The following FBXO46 variants were observed in gnomAD, a reference collection of about 807,000 sequenced individuals.
FBXO46 encodes the protein F-box only protein 46.
FBXO46 carries 13 observed loss-of-function variants against 30.7 expected under a neutral mutation model. The ratio of observed to expected loss-of-function variants is 0.42; its 90% CI spans 0.28 to 0.67. FBXO46 has a LOEUF of 0.67. FBXO46 is among the 30% of genes least tolerant of loss of function. The probability of loss-of-function intolerance (pLI) is 0.21; values close to 1 mark genes in which losing one functional copy is unlikely to be tolerated. For synonymous variants in FBXO46, 467 were observed against 385.8 expected (o/e 1.21, Z -2.47); for missense variants, 754 against 871.5 (o/e 0.87, Z 1.70).
At chr19:45,729,227 C>T (rs1020019286) in intron 1 of FBXO46, among the ~76,000 whole-genome samples, 9 of 152,132 alleles carry the variant, frequency 5.9e-5, no homozygotes, top group South Asian at 2.1e-4. Flanking sequence ...GCCAGGAGTT[C>T]AAGACCAGCC....
intron 1 of FBXO46, among the ~76,000 whole-genome samples, chr19:45,719,741 C>T (rs758884147): frequency 2.6e-5 from 4 of 152,224 alleles, no homozygotes; most frequent in Non-Finnish European, 5.9e-5. Context: ...CTGGAACACA[C>T]AGGTGACACT....
At chr19:45,723,785 G>A (rs562406795) in intron 1 of FBXO46, among the ~76,000 whole-genome samples, 22 of 152,114 alleles carry the variant, frequency 1.4e-4, no homozygotes, top group South Asian at 4.2e-4. Context: ...TCAGCCTCCC[G>A]AGTAGCTGGG....
chr19:45,712,053 C>T lies in FBXO46; in HGVS notation c.1443G>A (p.Leu481=). The T allele has an allele frequency of 6.2e-7, 1 of 1,611,712 alleles. No homozygotes were observed. Among genetic ancestry groups the T allele is most frequent in the Non-Finnish European group, 8.5e-7 (1 of 1,179,310 alleles). ...QYMLLLPEHV[L]VKIFSFLPTR... is the part of the protein sequence containing the mutation. ...TGGGCAGGAAGCTGAAGATCTTGACCAGCACGTGCTCGGGCAGCAGCAGCA... is the reference window on the plus strand; with the variant it reads ...TGGGCAGGAAGCTGAAGATCTTGACTAGCACGTGCTCGGGCAGCAGCAGCA... The change falls in exon 2 of 2, where the codon CTG becomes CTA. Residue 481 remains leucine (L), a synonymous_variant. Coordinates refer to ENST00000317683, the MANE Select transcript of FBXO46 (RefSeq NM_001080469.2). The surrounding 1 kb of genome is among the most constrained non-coding windows in gnomAD (Gnocchi z 8.8).
chr19:45,713,633 C>T lies in FBXO46; in HGVS notation c.-78-60G>A, dbSNP rs1472570193. On this transcript the variant is annotated intron_variant, in intron 1 of 1. Coordinates refer to ENST00000317683, the MANE Select transcript of FBXO46 (RefSeq NM_001080469.2). This position sits in a 1 kb window ranked among gnomAD's most constrained non-coding sequence, Gnocchi z 4.7. ...GGACAGCCTTTCTTCCCAGGACCAC[C>T]CCAACCTCCACCTCTCCTTAGACCA... 7 of 692,262 alleles carry T rather than the reference C, an allele frequency of 1.0e-5. No homozygotes were observed. Among genetic ancestry groups the T allele is most frequent in the Non-Finnish European group, 1.7e-5 (7 of 413,604 alleles). The allele number at this position is 692,262 out of a possible 1,614,324, so 42.9% of individuals were successfully genotyped here.
At position 45,712,176 on chromosome 19, in the gene FBXO46, C is replaced by T. The variant is rs371379839; in HGVS notation, c.1320G>A (p.Thr440=). 44 of 1,600,174 alleles carry T rather than the reference C, an allele frequency of 2.7e-5. No homozygotes were observed. The highest frequency in any genetic ancestry group is 1.2e-4 in the Admixed American group (7 of 57,768). Residue 440 remains threonine (T), a synonymous_variant, in exon 2 of 2, where the codon ACG becomes ACA. Transcript: ENST00000317683. The surrounding 1 kb of genome is among the most constrained non-coding windows in gnomAD (Gnocchi z 8.8). ...TAPGPDDAEG[T]ADTSLCRLYR... The stretch of plus-strand genomic sequence containing the variant: ...ACAAGCGGCACAGGGAGGTGTCCGC[C>T]GTGCCCTCGGCATCGTCTGGGCCGG...
rs1173564060 is a variant in FBXO46, at chr19:45,713,465, G to T, written c.31C>A (p.Leu11Ile). Reference protein sequence around the residue: MDRGSLLPFQLWCPRPFGTYS... With the variant: MDRGSLLPFQIWCPRPFGTYS... ...GTGCCAAAGGGCCGGGGGCACCATA[G>T]CTGGAAGGGCAGGAGGCTCCCACGG... The change falls in exon 2 of 2, where the codon CTA (leucine) becomes ATA (isoleucine). Residue 11 changes from leucine (L) to isoleucine (I), a missense_variant. Around this residue, in one of 5 missense-constraint regions of FBXO46, gnomAD observed 97 missense variants for 113.0 expected, o/e 0.86. Coordinates refer to ENST00000317683, the MANE Select transcript of FBXO46 (RefSeq NM_001080469.2). The surrounding 1 kb of genome is among the most constrained non-coding windows in gnomAD (Gnocchi z 4.7). 6.3e-7 allele frequency: 1 copy of T among 1,584,756 alleles called. No homozygotes were observed. The highest frequency in any genetic ancestry group is 1.7e-5 in the Admixed American group (1 of 58,104).
chr19:45,727,012 C>T (rs1968248521), intron 1 of FBXO46, among the ~76,000 whole-genome samples: 2 of 152,108 alleles, frequency 1.3e-5, no homozygotes, highest in Admixed American at 6.6e-5. Context: ...AACCCCAGCA[C>T]TTTGGGAGGC....
At chr19:45,727,735 A>C (rs1370464889) in intron 1 of FBXO46, among the ~76,000 whole-genome samples, 1 of 152,068 alleles carries the variant, frequency 6.6e-6, no homozygotes, top group Non-Finnish European at 1.5e-5. Flanking sequence ...AATAAACCAA[A>C]CTGTTTCAAG....
At chr19:45,716,760 C>T (rs1433037396) in intron 1 of FBXO46, 1 of 152,016 alleles carries the variant, frequency 6.6e-6, no homozygotes, top group Non-Finnish European at 1.5e-5. Context: ...GCTTACTGCA[C>T]GCTCGCTGCG....
intron 1 of FBXO46, among the ~76,000 whole-genome samples, chr19:45,719,454 C>T (rs955156886): frequency 6.6e-6 from 1 of 151,946 alleles, no homozygotes; most frequent in Non-Finnish European, 1.5e-5. Flanking sequence ...AAGCAAAAAA[C>T]GACCATCTCT....
chr19:45,713,466 C>T lies in FBXO46; in HGVS notation c.30G>A (p.Gln10=), dbSNP rs1376709369. The T allele has an allele frequency of 6.3e-7, 1 of 1,584,130 alleles. No homozygotes were observed. The highest frequency in any genetic ancestry group is 1.7e-5 in the Admixed American group (1 of 58,046). The change falls in exon 2 of 2, where the codon CAG becomes CAA. Residue 10 remains glutamine (Q), a synonymous_variant. Transcript: ENST00000317683. This position sits in a 1 kb window ranked among gnomAD's most constrained non-coding sequence, Gnocchi z 4.7. ...TGCCAAAGGGCCGGGGGCACCATAG[C>T]TGGAAGGGCAGGAGGCTCCCACGGT... MDRGSLLPF[Q]LWCPRPFGTY... is the part of the protein sequence containing the mutation.
rs184457249 is a variant in FBXO46, at chr19:45,719,364, G to A, written c.-78-5791C>T. Reference sequence around the variant, plus strand: ...TCTCTACATGAGTCCCTAGGGCTGGGGGAGGGAGGTGGAAGTGACCCATTA... The same window carrying A: ...TCTCTACATGAGTCCCTAGGGCTGGAGGAGGGAGGTGGAAGTGACCCATTA... On this transcript the variant is annotated intron_variant, in intron 1 of 1. Transcript: ENST00000317683. Among the ~76,000 whole-genome samples the A allele has an allele frequency of 7.4e-4, 112 of 152,262 alleles. 1 individual carries two copies. Among genetic ancestry groups the A allele is most frequent in the Non-Finnish European group, 3.1e-4 (21 of 68,016 alleles).
Position 45,713,533 on chromosome 19 carries a change from A to G in FBXO46, c.-38T>C. On this transcript the variant is annotated 5_prime_UTR_variant, in exon 2 of 2. It removes an upstream start codon present in the reference 5' UTR. Transcript: ENST00000317683. The surrounding 1 kb of genome is among the most constrained non-coding windows in gnomAD (Gnocchi z 4.7). ...TGGCAGACAGGCTGGGCTTCAGCGC[A>G]TCTCAGGACCTAGGTGGTGGTGGGA... 6.7e-7 allele frequency: 1 copy of G among 1,496,174 alleles called. No individual in the cohort carries two copies. The highest frequency in any genetic ancestry group is 1.3e-5 in the South Asian group (1 of 75,296). The allele number at this position is 1,496,174 out of a possible 1,614,324, so 92.7% of individuals were successfully genotyped here.
At chr19:45,729,541 A>G (rs1968281633) in intron 1 of FBXO46, among the ~76,000 whole-genome samples, 1 of 152,266 alleles carries the variant, frequency 6.6e-6, no homozygotes, top group African/African-American at 2.4e-5. Context: ...TGTATATTTC[A>G]GTATGGAGAG....
rs768197332 is a variant in FBXO46 at position 45,712,011 on chromosome 19, G to C, written c.1485C>G (p.Ala495=). Residue 495 remains alanine, a synonymous_variant, in exon 2 of 2, where the codon GCC becomes GCG. Transcript: ENST00000317683. This position sits in a 1 kb window ranked among gnomAD's most constrained non-coding sequence, Gnocchi z 8.8. ...TGAAGTGGTGGCAGGTGCACTTGAG[G>C]GCGGCCAGCGCGCGCGTGGGCAGGA... ...FSFLPTRALA[A]LKCTCHHFKG... The C allele has an allele frequency of 6.2e-7, 1 of 1,612,464 alleles. No homozygotes were observed. Among genetic ancestry groups the C allele is most frequent in the Non-Finnish European group, 8.5e-7 (1 of 1,179,678 alleles).
intron 1 of FBXO46, among the ~76,000 whole-genome samples, chr19:45,728,878 G>GT (rs1167861661): frequency 6.6e-6 from 1 of 151,960 alleles, no homozygotes; most frequent in Non-Finnish European, 1.5e-5. Context: ...GCTCACGCCT[G>GT]TCATCCCAGC....
upstream of FBXO46, among the ~76,000 whole-genome samples, chr19:45,732,532 CAAAAAAAAA>C (rs36071960): frequency 1.5e-5 from 1 of 65,758 alleles, no homozygotes; most frequent in Admixed American, 2.8e-4. Context: ...TCGTCTCTAC[CAAAAAAAAA>C]AAAAAAAAAA....
chr19:45,728,337 C>T (rs1968265527), intron 1 of FBXO46, among the ~76,000 whole-genome samples: 1 of 152,212 alleles, frequency 6.6e-6, no homozygotes, highest in Admixed American at 6.5e-5. Context: ...GACAGCCTGA[C>T]ATCTTCCCTC....
rs984041927 is a variant in FBXO46 at position 45,720,130 on chromosome 19, G to GT, written c.-78-6558dup. Reference sequence around the variant, plus strand: ...TCCCATCTCAGCTGCCTTCTTTTTTGTTTTTTTTTTTAAGACGGAGTCTTG... The same window carrying GT: ...TCCCATCTCAGCTGCCTTCTTTTTTGTTTTTTTTTTTTAAGACGGAGTCTTG... On this transcript the variant is annotated intron_variant, in intron 1 of 1. Transcript: ENST00000317683. Among the ~76,000 whole-genome samples the GT allele has an allele frequency of 6.5e-3, 937 of 144,252 alleles. 13 individuals are homozygous for GT. Among genetic ancestry groups the GT allele is most frequent in the African/African-American group, 0.019 (771 of 39,546 alleles). 94.6% of individuals were successfully genotyped at this position (144,252 alleles called of 152,430 possible). A position where few individuals can be genotyped will look rare whatever the true frequency, so the allele number is the denominator to read the frequency against.
Sources: gnomAD v4.1 joint callset for allele counts (sites outside exome capture counted in the v4.1 genomes callset) on GRCh38, gnomAD v4.1.1 for gene constraint, gnomAD v4.1.1 regional missense constraint, Gnocchi (gnomAD v3.1) non-coding constraint, MANE v1.5 for transcripts, NCBI Gene and HGNC (gene_info 2026-07-23, HGNC 2026-07-21) for gene names.